The following RBFOX1 variants were observed in gnomAD, a reference collection of about 807,000 sequenced individuals.
RBFOX1 encodes the protein RNA binding protein fox-1 homolog 1.
A neutral mutation model predicts 57.7 loss-of-function variants in RBFOX1; 8 were observed. That is an observed-to-expected ratio of 0.14 (90% confidence interval 0.08 to 0.25). The LOEUF (loss-of-function observed/expected upper bound fraction) is 0.25, where lower values mean the gene tolerates loss of function less well. RBFOX1 is among the 10% of genes least tolerant of loss of function. The probability of loss-of-function intolerance (pLI) is 1.00; values close to 1 mark genes in which losing one functional copy is unlikely to be tolerated. For missense variants in RBFOX1, 611 were observed against 548.5 expected (o/e 1.11, Z -1.14); for synonymous variants, 326 against 222.4 (o/e 1.47, Z -4.15).
intron 2 of RBFOX1, among the ~76,000 whole-genome samples, chr16:6,454,211 T>C (rs1480762164): frequency 2.0e-5 from 3 of 152,172 alleles, no homozygotes; most frequent in South Asian, 2.1e-4. Flanking sequence ...GGCTTCAATA[T>C]ATGAATTTGG....
At chr16:6,902,284 C>A (rs1282279168) in intron 3 of RBFOX1, among the ~76,000 whole-genome samples, 1 of 152,084 alleles carries the variant, frequency 6.6e-6, no homozygotes, top group Non-Finnish European at 1.5e-5. Context: ...CCACTGTGTT[C>A]CTTACAACTG....
intron 1 of RBFOX1, among the ~76,000 whole-genome samples, chr16:5,429,363 C>T (rs1006591247): frequency 7.9e-5 from 12 of 152,210 alleles, no homozygotes; most frequent in African/African-American, 2.9e-4. Flanking sequence ...ATAAACTCTC[C>T]CAGCCGTCAG....
At chr16:6,496,865 C>T (rs557873449) in intron 2 of RBFOX1, among the ~76,000 whole-genome samples, 3 of 152,222 alleles carry the variant, frequency 2.0e-5, no homozygotes, top group South Asian at 2.1e-4. Context: ...GAGGCTGAGG[C>T]AGGAGAGTCG....
chr16:5,242,318 A>G (rs1178128522), intron 1 of RBFOX1, among the ~76,000 whole-genome samples: 3 of 152,334 alleles, frequency 2.0e-5, no homozygotes, highest in Middle Eastern at 6.8e-3. Flanking sequence ...AACACAAACC[A>G]TCCTTGTTTC....
In RBFOX1 at chr16:7,054,533, G is replaced by A. The variant is rs183526823; in HGVS notation, c.27+2435G>A. On this transcript the variant is annotated intron_variant, in intron 4 of 15. Transcript: ENST00000550418. The stretch of plus-strand genomic sequence containing the variant: ...TGGGATTACAGGTGTGAGCCACTGC[G>A]CCAAACCTGGGTGGGGGGGCATTTT... Among the ~76,000 whole-genome samples, 395 of 124,762 alleles carry A rather than the reference G, an allele frequency of 3.2e-3. 8 individuals are homozygous for A. The highest frequency in any genetic ancestry group is 0.023 in the Admixed American group (273 of 11,686). 81.8% of individuals were successfully genotyped at this position (124,762 alleles called of 152,430 possible).
intron 2 of RBFOX1, among the ~76,000 whole-genome samples, chr16:5,597,253 C>T (rs186865593): frequency 7.3e-6 from 1 of 137,426 alleles, no homozygotes; most frequent in Admixed American, 7.4e-5. Flanking sequence ...CTCCCGCTTT[C>T]TCTGCACCTC....
intron 2 of RBFOX1, among the ~76,000 whole-genome samples, chr16:5,561,267 A>T (rs1414441053): frequency 7.0e-6 from 1 of 142,946 alleles, no homozygotes; most frequent in Non-Finnish European, 1.5e-5. Context: ...AACTTTCTTT[A>T]AAAAAAATTG....
At chr16:6,920,551 T>C (rs1402869834) in intron 3 of RBFOX1, among the ~76,000 whole-genome samples, 6 of 152,206 alleles carry the variant, frequency 3.9e-5, no homozygotes. Flanking sequence ...GTGGCAGGCT[T>C]GAAACAACAG....
intron 4 of RBFOX1, among the ~76,000 whole-genome samples, chr16:7,344,798 A>G (rs528745974): frequency 7.7e-4 from 118 of 152,352 alleles, no homozygotes; most frequent in African/African-American, 2.6e-3. Flanking sequence ...GTCCTCCCGC[A>G]GACCACACAA....
chr16:6,233,162 A>G (rs1598623664), intron 1 of RBFOX1, among the ~76,000 whole-genome samples: 2 of 152,130 alleles, frequency 1.3e-5, no homozygotes, highest in East Asian at 1.9e-4. Flanking sequence ...AAAGCAGGTT[A>G]TGTATTGTGA....
chr16:6,738,022 C>T (rs1243735201), intron 3 of RBFOX1, among the ~76,000 whole-genome samples: 1 of 149,392 alleles, frequency 6.7e-6, no homozygotes, highest in Non-Finnish European at 1.5e-5. Flanking sequence ...TAATGTGTGT[C>T]TGCAACAGAA....
At chr16:5,851,013 T>G (rs952499947) in intron 3 of RBFOX1, among the ~76,000 whole-genome samples, 3 of 152,168 alleles carry the variant, frequency 2.0e-5, no homozygotes, top group African/African-American at 7.2e-5. Flanking sequence ...ACCTGGAAAC[T>G]TGCCTTGTTG....
At chr16:7,692,536 T>A (rs2077576299) in intron 14 of RBFOX1, among the ~76,000 whole-genome samples, 1 of 152,186 alleles carries the variant, frequency 6.6e-6, no homozygotes, top group Non-Finnish European at 1.5e-5. Flanking sequence ...GTACTGCTAC[T>A]TTTGAGGCAT....
At chr16:5,573,168 A>G (rs2151137011) in intron 2 of RBFOX1, among the ~76,000 whole-genome samples, 1 of 152,266 alleles carries the variant, frequency 6.6e-6, no homozygotes, top group Non-Finnish European at 1.5e-5. Flanking sequence ...GACATAATGA[A>G]GATTGGAGGT....
intron 3 of RBFOX1, among the ~76,000 whole-genome samples, chr16:5,790,049 C>G (rs983299151): frequency 6.6e-6 from 1 of 152,208 alleles, no homozygotes; most frequent in Non-Finnish European, 1.5e-5. Context: ...AGCTGGCACC[C>G]AACCCTTGTG....
In RBFOX1 at chr16:6,775,292, C is replaced by T. The variant is rs555855781; in HGVS notation, c.-16+120642C>T. Among the ~76,000 whole-genome samples, 8 of 144,812 alleles carry T rather than the reference C, an allele frequency of 5.5e-5. No individual in the cohort carries two copies. In the East Asian group the frequency reaches 1.4e-3, roughly 26 times the overall value. ...TTGCAGTGAGCTGAGATCGCGCCAC[C>T]GCACTCCAGCCTGGGCGATACAGCG... On this transcript the variant is annotated intron_variant, in intron 3 of 15. Transcript: ENST00000550418.
chr16:6,029,937 G>T lies in RBFOX1; in HGVS notation c.-127+9945G>T, dbSNP rs1047266138. On this transcript the variant is annotated intron_variant, in intron 1 of 15. Coordinates refer to ENST00000550418, the MANE Select transcript of RBFOX1 (RefSeq NM_018723.4). ...TTATTATTGTTATTTTTTTGAGACA[G>T]AGAGTCTCATTTGTTGCCCAGGCTG... Among the ~76,000 whole-genome samples the T allele has an allele frequency of 2.6e-5, 4 of 152,014 alleles. No individual in the cohort carries two copies. The East Asian group carries it at 7.7e-4, about 29-fold the overall frequency.
chr16:6,089,841 T>C (rs898714586), intron 1 of RBFOX1, among the ~76,000 whole-genome samples: 9 of 152,220 alleles, frequency 5.9e-5, no homozygotes, highest in Admixed American at 1.3e-4. Context: ...AATCATGTCA[T>C]TGAATCCTCT....
chr16:5,480,185 T>A (rs2069477021), intron 2 of RBFOX1, among the ~76,000 whole-genome samples: 1 of 152,130 alleles, frequency 6.6e-6, no homozygotes, highest in Admixed American at 6.5e-5. Flanking sequence ...CGGAGATGCA[T>A]AAAAGAAATC....
Sources: allele counts gnomAD v4.1 joint callset (sites outside exome capture counted in the v4.1 genomes callset), GRCh38; gene constraint gnomAD v4.1.1; transcripts MANE v1.5; gene names NCBI Gene and HGNC (gene_info 2026-07-23, HGNC 2026-07-21).